The following SLC5A8 variants were observed in gnomAD, a reference collection of about 807,000 sequenced individuals.
The protein encoded by SLC5A8 is sodium-coupled monocarboxylate transporter 1.
A neutral mutation model predicts 71.9 loss-of-function variants in SLC5A8; 55 were observed. The ratio of observed to expected loss-of-function variants is 0.77; its 90% CI spans 0.62 to 0.96. The LOEUF is 0.96. Ranked by LOEUF, SLC5A8 falls within the 40% of genes least tolerant of loss-of-function variation. The probability of loss-of-function intolerance (pLI) is 0.00; values close to 1 mark genes in which losing one functional copy is unlikely to be tolerated. For synonymous variants in SLC5A8, 307 were observed against 276.1 expected (o/e 1.11, Z -1.11); for missense variants, 701 against 745.3 (o/e 0.94, Z 0.69).
chr12:101,158,586 CTCTCTCTCTCTCTA>C (rs1436046110), intron 13 of SLC5A8, among the ~76,000 whole-genome samples: 235 of 42,352 alleles, frequency 5.5e-3, no homozygotes, highest in African/African-American at 0.026. Flanking sequence ...CTCTCTCTCT[CTCTCTCTCTCTCTA>C]TATATATATA....
At chr12:101,205,011 T>C (rs1618722) in intron 1 of SLC5A8, among the ~76,000 whole-genome samples, 7 of 152,330 alleles carry the variant, frequency 4.6e-5, no homozygotes, top group Admixed American at 1.3e-4. Flanking sequence ...TCCATACATT[T>C]TTCTTGGCTC....
chr12:101,191,587 C>T (rs1029419190), intron 5 of SLC5A8, among the ~76,000 whole-genome samples: 12 of 152,146 alleles, frequency 7.9e-5, no homozygotes, highest in African/African-American at 2.9e-4. Flanking sequence ...AACTGAAGAG[C>T]CAAAAGGAGC....
chr12:101,172,641 C>T (rs1189852157), intron 10 of SLC5A8, among the ~76,000 whole-genome samples: 1 of 152,122 alleles, frequency 6.6e-6, no homozygotes, highest in Non-Finnish European at 1.5e-5. Context: ...CTGTTGTGAA[C>T]ACTGTTGGAT....
At chr12:101,190,677 T>C (rs1285218359) in intron 5 of SLC5A8, 69 bp from the exon 6 acceptor site, 3 of 1,444,164 alleles carry the variant, frequency 2.1e-6, no homozygotes, top group African/African-American at 1.5e-5. Context: ...TCTTAGACTA[T>C]ATTTGGAAGC....
At position 101,158,249 on chromosome 12, in the gene SLC5A8, T is replaced by C; in HGVS notation, c.1710A>G (p.Lys570=). The change falls in exon 14 of 15, where the codon AAA becomes AAG. Residue 570 remains lysine (K), a splice_region_variant and synonymous_variant. Transcript: ENST00000536262. ...DFLSNFDIFK[K]KKHVLSYKSH... ...TCAAGGTAAATGAAAGCCAACTCAC[T>C]TTCTTAAAAATATCAAAATTGGATA... 6.3e-7 allele frequency: 1 copy of C among 1,577,270 alleles called. No homozygotes were observed. The highest frequency in any genetic ancestry group is 2.3e-5 in the East Asian group (1 of 44,298).
chr12:101,189,869 C>A (rs1215768680), intron 6 of SLC5A8, among the ~76,000 whole-genome samples: 1 of 152,218 alleles, frequency 6.6e-6, no homozygotes, highest in African/African-American at 2.4e-5. Context: ...AGGCCTTTAC[C>A]ATGCGTATGC....
intron 7 of SLC5A8, among the ~76,000 whole-genome samples, chr12:101,186,960 C>T (rs1042801636): frequency 1.3e-5 from 2 of 152,128 alleles, no homozygotes; most frequent in African/African-American, 4.8e-5. Flanking sequence ...TAAATATTCA[C>T]TTATTGGATC....
chr12:101,190,711 A>T (rs751590330), intron 5 of SLC5A8, 103 bp from the exon 6 acceptor site: 17 of 839,292 alleles, frequency 2.0e-5, no homozygotes, highest in African/African-American at 3.6e-5. Context: ...TTATATACAC[A>T]ACACATACAT....
At chr12:101,184,018 T>TACTTTGGG (rs1868491970) in intron 8 of SLC5A8, 116 bp downstream of exon 8, 1 of 949,940 alleles carries the variant, frequency 1.1e-6, no homozygotes, top group Admixed American at 2.3e-5. Context: ...GCAGATTGCC[T>TACTTTGGG]ACTTTGGGCC....
chr12:101,161,841 T>C (rs1174349901), intron 13 of SLC5A8, 133 bp downstream of exon 13: 2 of 687,472 alleles, frequency 2.9e-6, no homozygotes, highest in Non-Finnish European at 4.9e-6. Context: ...AGATTTCCCA[T>C]GAGTAAAACA....
At chr12:101,174,174 G>A (rs1459002090) in intron 10 of SLC5A8, among the ~76,000 whole-genome samples, 1 of 152,172 alleles carries the variant, frequency 6.6e-6, no homozygotes, top group African/African-American at 2.4e-5. Flanking sequence ...AGAAATGGGT[G>A]CCATTACTTA....
intron 10 of SLC5A8, among the ~76,000 whole-genome samples, chr12:101,176,377 C>T (rs930281523): frequency 6.6e-6 from 1 of 151,748 alleles, no homozygotes; most frequent in Non-Finnish European, 1.5e-5. Context: ...GAATTCACCA[C>T]CCCTCTCTCA....
chr12:101,198,620 G>A (rs112135046), intron 3 of SLC5A8, among the ~76,000 whole-genome samples: 1,728 of 151,930 alleles, frequency 0.011, 39 homozygotes, highest in African/African-American at 0.039. Flanking sequence ...CTATATTTAC[G>A]AAATAAACTG....
chr12:101,167,326 A>C (rs2051782828), intron 11 of SLC5A8, among the ~76,000 whole-genome samples: 1 of 152,210 alleles, frequency 6.6e-6, no homozygotes, highest in South Asian at 2.1e-4. Context: ...GTCCTTATTA[A>C]TATCTGCCTT....
rs773144358 is a variant in SLC5A8, at chr12:101,195,214, A to G, written c.470-52T>C. 1.1e-5 allele frequency: 18 copies of G among 1,573,988 alleles called. No homozygotes were observed. The Admixed American group carries it at 2.0e-4, about 18-fold the overall frequency. ...TAATTGTGAAATATGCACAATAAAA[A>G]TAATCCTCAAAAATCATCAGAGAAG... On this transcript the variant is annotated intron_variant, in intron 3 of 14. Coordinates refer to ENST00000536262, the MANE Select transcript of SLC5A8 (RefSeq NM_145913.5).
At chr12:101,188,785 A>G (rs1012654816) in intron 6 of SLC5A8, among the ~76,000 whole-genome samples, 17 of 152,152 alleles carry the variant, frequency 1.1e-4, no homozygotes, top group African/African-American at 4.1e-4. Context: ...ATGTTTTGCT[A>G]TTGCTAGCTC....
chr12:101,162,285 G>C (rs2051731198), intron 12 of SLC5A8, among the ~76,000 whole-genome samples: 1 of 152,212 alleles, frequency 6.6e-6, no homozygotes, highest in African/African-American at 2.4e-5. Flanking sequence ...TGAAGGTCAT[G>C]TTTATTCATT....
intron 8 of SLC5A8, 130 bp downstream of exon 8, chr12:101,184,004 T>TA (rs2137147205): frequency 1.3e-6 from 1 of 782,602 alleles, no homozygotes; most frequent in Non-Finnish European, 2.1e-6. Context: ...AGAGGACACA[T>TA]ACAGCAGATT....
At chr12:101,163,618 C>A (rs2051742350) in intron 12 of SLC5A8, among the ~76,000 whole-genome samples, 1 of 152,172 alleles carries the variant, frequency 6.6e-6, no homozygotes, top group Non-Finnish European at 1.5e-5. Flanking sequence ...GTGGAGGTTG[C>A]ATTGAACTCG....
Sources: allele counts gnomAD v4.1 joint callset (sites outside exome capture counted in the v4.1 genomes callset), GRCh38; gene constraint gnomAD v4.1.1; transcripts MANE v1.5; gene names NCBI Gene and HGNC (gene_info 2026-07-23, HGNC 2026-07-21).